RGS6: variants seen among roughly 807,000 people sequenced by gnomAD.
RGS6 encodes the protein regulator of G protein signaling 6.
In RGS6, 30 loss-of-function variants were observed where a neutral mutation model predicts 78.5. The ratio of observed to expected loss-of-function variants is 0.38; its 90% confidence interval spans 0.29 to 0.52. The LOEUF (loss-of-function observed/expected upper bound fraction) is 0.52. Ranked by LOEUF, RGS6 falls within the 20% of genes least tolerant of loss-of-function variation. The pLI, the probability that RGS6 is intolerant of heterozygous loss-of-function variation, is 0.85. For missense variants in RGS6, 495 were observed against 609.7 expected, an observed-to-expected ratio of 0.81 and a Z score of 1.98; for synonymous variants, 206 against 206.0, an observed-to-expected ratio of 1.00 and a Z score of 0.00.
chr14:72,020,459 C>T (rs1379636728), intron 2 of RGS6, among the ~76,000 whole-genome samples: 2 of 152,220 alleles, frequency 1.3e-5, no homozygotes, highest in African/African-American at 4.8e-5. Context: ...AAGCCTGTGG[C>T]TGCATGGTCT....
chr14:72,509,892 G>A (rs2096857774), intron 13 of RGS6, among the ~76,000 whole-genome samples: 1 of 152,176 alleles, frequency 6.6e-6, no homozygotes, highest in African/African-American at 2.4e-5. Context: ...TCAATGGCAT[G>A]GTAGACAGCA....
chr14:72,536,321 G>A (rs1370878243), intron 16 of RGS6, 46 bp downstream of exon 16: 2 of 1,361,658 alleles, frequency 1.5e-6, no homozygotes, highest in African/African-American at 1.4e-5. Context: ...GTTGACTCTT[G>A]CCTGCTGCTT....
rs1404647087 is a variant in RGS6, at chr14:72,053,132, T to TTC, written c.84+88257_84+88258insTC. On this transcript the variant is annotated intron_variant, in intron 2 of 17. Coordinates refer to ENST00000553525, the MANE Select transcript of RGS6 (RefSeq NM_001204424.2). ...TCCTTCCTTCCTTCCTTCCTTCCTT[T>TTC]CTTTTTTTGATGGAGTCTCGCTCTG... Among the ~76,000 whole-genome samples, 9 of 88,304 alleles carry TTC rather than the reference T, an allele frequency of 1.0e-4. 1 individual carries two copies. The highest frequency in any genetic ancestry group is 2.0e-4 in the Non-Finnish European group (9 of 44,578). 57.9% of individuals were successfully genotyped at this position (88,304 alleles called of 152,430 possible).
At chr14:72,359,387 G>T (rs760791909) in intron 3 of RGS6, among the ~76,000 whole-genome samples, 2 of 152,130 alleles carry the variant, frequency 1.3e-5, no homozygotes, top group African/African-American at 2.4e-5. Flanking sequence ...GGGTTGGGGT[G>T]GGGGGCAGTT....
intron 13 of RGS6, among the ~76,000 whole-genome samples, chr14:72,503,189 C>T (rs1039728295): frequency 1.3e-5 from 2 of 152,056 alleles, no homozygotes; most frequent in Admixed American, 6.5e-5. Flanking sequence ...AATCCCACTC[C>T]ACGTGACCTA....
At chr14:71,990,391 C>G in intron 2 of RGS6, 1 of 344,754 alleles carries the variant, frequency 2.9e-6, no homozygotes, top group South Asian at 2.3e-5. Context: ...GGGCAAAATT[C>G]ATGTGTTCTG....
chr14:71,916,279 C>A, the RGS6 span, among the ~76,000 whole-genome samples: 1 of 152,106 alleles, frequency 6.6e-6, no homozygotes, highest in African/African-American at 2.4e-5. Context: ...TGGGCCTGGA[C>A]CTGGCTGGAC....
At chr14:71,883,276 C>G in the RGS6 span, among the ~76,000 whole-genome samples, 1 of 152,220 alleles carries the variant, frequency 6.6e-6, no homozygotes, top group Non-Finnish European at 1.5e-5. Context: ...CAGCATCTCT[C>G]AGACTCTGGA....
At chr14:72,231,083 G>A (rs542262125) in intron 2 of RGS6, among the ~76,000 whole-genome samples, 11 of 152,270 alleles carry the variant, frequency 7.2e-5, no homozygotes, top group African/African-American at 2.6e-4. Flanking sequence ...CTTCAGGCTG[G>A]GGTCACTGGA....
In RGS6 at chr14:72,149,887, C is replaced by T. The variant is rs1053121744; in HGVS notation, c.84+185012C>T. ...AAAATCATGCCTGTATGGTTCCCTT[C>T]GGAGGTATCTCTCCTTTATCCTTTA... On this transcript the variant is annotated intron_variant, in intron 2 of 17. Transcript: ENST00000553525. 4.6e-5 allele frequency among the ~76,000 whole-genome samples: 7 copies of T among 152,282 alleles called. No homozygotes were observed. The East Asian group carries it at 9.7e-4, about 21-fold the overall frequency.
At chr14:72,429,635 C>T (rs1004477) in intron 3 of RGS6, among the ~76,000 whole-genome samples, 13,580 of 152,172 alleles carry the variant, frequency 0.089, 1,087 homozygotes, top group Admixed American at 0.21. Flanking sequence ...AATGTGCTTA[C>T]GTGGCCTCCA....
chr14:71,968,376 A>C (rs1378006531), intron 2 of RGS6, among the ~76,000 whole-genome samples: 2 of 152,216 alleles, frequency 1.3e-5, no homozygotes, highest in African/African-American at 4.8e-5. Flanking sequence ...AGTCTTTTAC[A>C]ATATCCAGAC....
At chr14:72,481,396 A>G (rs532687526) in intron 12 of RGS6, among the ~76,000 whole-genome samples, 3 of 152,276 alleles carry the variant, frequency 2.0e-5, no homozygotes, top group Admixed American at 6.5e-5. Flanking sequence ...GGAGGCTGCT[A>G]ATGCAATTCT....
At chr14:72,222,967 G>A (rs1002831663) in intron 2 of RGS6, among the ~76,000 whole-genome samples, 6 of 152,034 alleles carry the variant, frequency 3.9e-5, no homozygotes, top group Admixed American at 6.6e-5. Context: ...GCCTTTCTTC[G>A]TATCACAAAC....
intron 13 of RGS6, 120 bp downstream of exon 13, chr14:72,495,382 C>A: frequency 1.4e-6 from 1 of 699,066 alleles, no homozygotes; most frequent in Non-Finnish European, 2.6e-6. Flanking sequence ...AGAAACCCCT[C>A]AAGTAGCCTC....
chr14:71,930,592 G>A (rs1165325209), upstream of RGS6, among the ~76,000 whole-genome samples: 1 of 151,870 alleles, frequency 6.6e-6, no homozygotes, highest in Admixed American at 6.6e-5. Flanking sequence ...TACACAGTAA[G>A]GCTTTCTTCT....
At chr14:72,113,963 A>C (rs1454634445) in intron 2 of RGS6, among the ~76,000 whole-genome samples, 1 of 152,232 alleles carries the variant, frequency 6.6e-6, no homozygotes, top group East Asian at 1.9e-4. Context: ...TGTTTAAATT[A>C]GGCTATTAAA....
intron 2 of RGS6, among the ~76,000 whole-genome samples, chr14:72,019,453 C>T (rs925716260): frequency 2.0e-5 from 3 of 152,106 alleles, no homozygotes; most frequent in Non-Finnish European, 4.4e-5. Context: ...ATTAGCAGTT[C>T]AGGAGTTTTC....
chr14:72,010,046 T>G (rs1660994606), intron 2 of RGS6, among the ~76,000 whole-genome samples: 1 of 152,256 alleles, frequency 6.6e-6, no homozygotes, highest in African/African-American at 2.4e-5. Context: ...CCCTGTTGAA[T>G]GAGATCCATG....
Sources: allele counts gnomAD v4.1 joint callset (sites outside exome capture counted in the v4.1 genomes callset), GRCh38; gene constraint gnomAD v4.1.1; transcripts MANE v1.5; gene names NCBI Gene and HGNC (gene_info 2026-07-23, HGNC 2026-07-21).